The following DCC variants were observed in gnomAD, a reference collection of about 807,000 sequenced individuals.
The protein encoded by DCC is netrin receptor DCC.
A neutral mutation model predicts 172.5 loss-of-function variants in DCC; 58 were observed. The ratio of observed to expected loss-of-function variants is 0.34; its 90% confidence interval spans 0.27 to 0.42. DCC has a LOEUF of 0.42. DCC is among the 10% of genes least tolerant of loss of function. The pLI, the probability that DCC is intolerant of heterozygous loss-of-function variation, is 1.00. For synonymous variants in DCC, 709 were observed against 644.5 expected, an observed-to-expected ratio of 1.10 and a Z score of -1.52; for missense variants, 1,740 against 1,791.0, an observed-to-expected ratio of 0.97 and a Z score of 0.51.
chr18:53,356,124 G>A (rs2057875353), intron 15 of DCC, among the ~76,000 whole-genome samples: 1 of 151,914 alleles, frequency 6.6e-6, no homozygotes, highest in Non-Finnish European at 1.5e-5. Context: ...GTGTGATCAT[G>A]GCTCACTGCA....
At chr18:53,416,878 A>T (rs896309361) in intron 21 of DCC, among the ~76,000 whole-genome samples, 1 of 152,232 alleles carries the variant, frequency 6.6e-6, no homozygotes, top group African/African-American at 2.4e-5. Context: ...GGATTCCGTT[A>T]TCTTTACACA....
intron 2 of DCC, among the ~76,000 whole-genome samples, chr18:52,874,525 T>C (rs908137636): frequency 4.6e-5 from 7 of 152,226 alleles, no homozygotes; most frequent in African/African-American, 1.7e-4. Flanking sequence ...AAATGTTGAA[T>C]ATCCTTTGAC....
intron 5 of DCC, among the ~76,000 whole-genome samples, chr18:52,964,475 T>C (rs2040896242): frequency 6.6e-6 from 1 of 152,168 alleles, no homozygotes; most frequent in African/African-American, 2.4e-5. Context: ...ATCTCAATTT[T>C]TTTTAAAGAA....
intron 1 of DCC, among the ~76,000 whole-genome samples, chr18:52,473,983 A>G (rs1437004059): frequency 6.6e-6 from 1 of 151,940 alleles, no homozygotes; most frequent in Non-Finnish European, 1.5e-5. Context: ...TATAGGCCAC[A>G]TTTCTTTTTT....
intron 5 of DCC, among the ~76,000 whole-genome samples, chr18:52,955,998 T>C (rs1345078078): frequency 6.6e-6 from 1 of 151,902 alleles, no homozygotes; most frequent in Non-Finnish European, 1.5e-5. Context: ...CTTACAAAGG[T>C]TTTCTCCCAG....
At chr18:53,104,991 A>G (rs1217458644) in intron 7 of DCC, among the ~76,000 whole-genome samples, 1 of 152,080 alleles carries the variant, frequency 6.6e-6, no homozygotes, top group African/African-American at 2.4e-5. Flanking sequence ...GTGATTATGT[A>G]AATGCATTCT....
intron 14 of DCC, among the ~76,000 whole-genome samples, chr18:53,332,941 A>C (rs1486553836): frequency 6.6e-6 from 1 of 152,142 alleles, no homozygotes; most frequent in East Asian, 1.9e-4. Context: ...GTGGTGGTGC[A>C]TGCCTGTGGT....
rs770116560 is a variant in DCC at position 53,192,523 on chromosome 18, CAG to C, written c.1574-12691_1574-12690del. ...TAAGCTAGGTGGGAAACAGAGCAAA[CAG>C]ATGATCACGAGATCTGGAGACTAGC... On this transcript the variant is annotated intron_variant, in intron 9 of 28. Coordinates refer to ENST00000442544, the MANE Select transcript of DCC (RefSeq NM_005215.4). Among the ~76,000 whole-genome samples, 5 of 152,212 alleles carry C rather than the reference CAG, an allele frequency of 3.3e-5. No homozygotes were observed. The East Asian group carries it at 7.7e-4, about 24-fold the overall frequency.
At chr18:52,984,736 A>G (rs544631462) in intron 5 of DCC, among the ~76,000 whole-genome samples, 5 of 152,258 alleles carry the variant, frequency 3.3e-5, no homozygotes, top group Non-Finnish European at 5.9e-5. Flanking sequence ...TGATTATCCA[A>G]TTATGATTCC....
intron 1 of DCC, among the ~76,000 whole-genome samples, chr18:52,543,503 A>G (rs930621169): frequency 2.0e-5 from 3 of 152,216 alleles, no homozygotes; most frequent in Non-Finnish European, 1.5e-5. Flanking sequence ...GCTGTAATTC[A>G]AGAAAGTATT....
chr18:53,266,537 A>G (rs2056676989), intron 12 of DCC, among the ~76,000 whole-genome samples: 1 of 152,116 alleles, frequency 6.6e-6, no homozygotes, highest in South Asian at 2.1e-4. Flanking sequence ...TTCTTTTTTA[A>G]AACAGCGTTG....
chr18:53,330,872 A>G (rs551839170), intron 14 of DCC, among the ~76,000 whole-genome samples: 46 of 152,324 alleles, frequency 3.0e-4, no homozygotes, highest in African/African-American at 1.1e-3. Flanking sequence ...ACTCTTCTCA[A>G]TAGACTTGAA....
intron 2 of DCC, among the ~76,000 whole-genome samples, chr18:52,778,016 G>C (rs1039414082): frequency 5.3e-5 from 8 of 152,106 alleles, no homozygotes. Context: ...TTACTTACAA[G>C]GGTTTTTAAT....
chr18:52,752,377 A>T lies in DCC; in HGVS notation c.412+3A>T. On this transcript the variant is annotated splice_donor_region_variant and intron_variant, in intron 2 of 28. Coordinates refer to ENST00000442544, the MANE Select transcript of DCC (RefSeq NM_005215.4). ...GACAGCAAAAGTTGCAGTAGCAGGT[A>T]GGTGGATTCTTCCTTCTCTTCCTCC... The T allele has an allele frequency of 6.2e-7, 1 of 1,611,088 alleles. No homozygotes were observed. Among genetic ancestry groups the T allele is most frequent in the Non-Finnish European group, 8.5e-7 (1 of 1,177,198 alleles).
At chr18:53,324,264 T>C (rs549440241) in intron 14 of DCC, among the ~76,000 whole-genome samples, 1 of 152,330 alleles carries the variant, frequency 6.6e-6, no homozygotes, top group East Asian at 1.9e-4. Flanking sequence ...AAAAGTCACA[T>C]TTCACAGAGT....
chr18:53,400,504 A>G (rs1186680871), intron 18 of DCC, among the ~76,000 whole-genome samples: 2 of 152,168 alleles, frequency 1.3e-5, no homozygotes, highest in African/African-American at 4.8e-5. Context: ...TCTAGAAATC[A>G]TTCCAGGCAG....
At chr18:52,471,205 G>A (rs1391600299) in intron 1 of DCC, among the ~76,000 whole-genome samples, 3 of 152,094 alleles carry the variant, frequency 2.0e-5, no homozygotes, top group Non-Finnish European at 4.4e-5. Context: ...AAAAATTTAG[G>A]AAGGCATGGT....
intron 5 of DCC, among the ~76,000 whole-genome samples, chr18:53,039,173 C>T (rs2042135706): frequency 6.6e-6 from 1 of 151,924 alleles, no homozygotes; most frequent in African/African-American, 2.4e-5. Context: ...TCTCAGAGCC[C>T]ACTGATCAAA....
rs1218252156 is a variant in DCC at position 53,321,118 on chromosome 18, T to G, written c.2054-929T>G. Among the ~76,000 whole-genome samples the G allele has an allele frequency of 4.6e-5, 7 of 152,312 alleles. No homozygotes were observed. The East Asian group carries it at 1.3e-3, about 29-fold the overall frequency. ...ATGCAAAAAATCTTCAAATATGTAA[T>G]TTTGTACATGAGCGTAATTACTTTT... On this transcript the variant is annotated intron_variant, in intron 13 of 28. Coordinates refer to ENST00000442544, the MANE Select transcript of DCC (RefSeq NM_005215.4).
Sources: gnomAD v4.1 joint callset for allele counts (sites outside exome capture counted in the v4.1 genomes callset) on GRCh38, gnomAD v4.1.1 for gene constraint, MANE v1.5 for transcripts, NCBI Gene and HGNC (gene_info 2026-07-23, HGNC 2026-07-21) for gene names.